The following ZMAT4 variants were observed in gnomAD, a reference collection of about 807,000 sequenced individuals.
ZMAT4 encodes the protein zinc finger matrin-type 4, also known as zinc finger matrin-type protein 4.
In ZMAT4, 17 loss-of-function variants were observed where a neutral mutation model predicts 28.7. The observed-to-expected ratio is 0.59, with a 90% CI of 0.41 to 0.89. The LOEUF (loss-of-function observed/expected upper bound fraction) is 0.89. Among genes scored for constraint, ZMAT4 ranks in the 40% least tolerant of loss-of-function variants. The probability of loss-of-function intolerance (pLI) is 0.00; values close to 1 mark genes in which losing one functional copy is unlikely to be tolerated. For missense variants in ZMAT4, 240 were observed against 283.8 expected (o/e 0.85, Z 1.11); for synonymous variants, 117 against 109.2 (o/e 1.07, Z -0.44).
At chr8:40,756,379 T>C (rs971592142) in intron 3 of ZMAT4, among the ~76,000 whole-genome samples, 5 of 140,424 alleles carry the variant, frequency 3.6e-5, no homozygotes, top group African/African-American at 1.3e-4. Context: ...AAATTATAAA[T>C]GCACACATGT....
intron 6 of ZMAT4, among the ~76,000 whole-genome samples, chr8:40,557,115 C>A (rs1465436008): frequency 6.6e-6 from 1 of 152,064 alleles, no homozygotes; most frequent in East Asian, 1.9e-4. Context: ...TGTCTGATCT[C>A]ACTTAACATA....
intron 5 of ZMAT4, 104 bp from the exon 6 acceptor site, chr8:40,581,365 C>T: frequency 1.2e-6 from 1 of 853,808 alleles, no homozygotes; most frequent in South Asian, 1.5e-5. Context: ...GGAGATAACT[C>T]CTGATCTACC....
intron 5 of ZMAT4, among the ~76,000 whole-genome samples, chr8:40,661,253 C>T (rs953989531): frequency 1.2e-4 from 18 of 152,138 alleles, no homozygotes; most frequent in African/African-American, 3.6e-4. Context: ...GACATGCACA[C>T]TATACCCGGC....
chr8:40,780,911 G>A (rs1406372299), intron 2 of ZMAT4, among the ~76,000 whole-genome samples: 1 of 152,160 alleles, frequency 6.6e-6, no homozygotes, highest in Non-Finnish European at 1.5e-5. Flanking sequence ...GGCCATCTGT[G>A]AAAAACCCTA....
intron 1 of ZMAT4, among the ~76,000 whole-genome samples, chr8:40,841,384 G>A (rs890583954): frequency 2.0e-5 from 3 of 152,104 alleles, no homozygotes; most frequent in Admixed American, 6.5e-5. Flanking sequence ...TCCAGAGGCC[G>A]CCCCCCTGCC....
In ZMAT4 at chr8:40,736,037, G is replaced by A. The variant is rs151164732; in HGVS notation, c.192+31604C>T. On this transcript the variant is annotated intron_variant, in intron 3 of 6. Transcript: ENST00000297737. ...GATAAGACAAGTAAATGTCTCAGTA[G>A]ATGCAGTAATGCCACAGTGCAGAGC... 5.4e-4 allele frequency among the ~76,000 whole-genome samples: 83 copies of A among 152,320 alleles called. No individual in the cohort carries two copies. The East Asian group carries it at 0.016, about 29-fold the overall frequency.
intron 6 of ZMAT4, among the ~76,000 whole-genome samples, chr8:40,533,569 A>G (rs981019894): frequency 2.0e-5 from 3 of 152,244 alleles, no homozygotes; most frequent in Non-Finnish European, 4.4e-5. Flanking sequence ...AGAAAATTCT[A>G]TCACTCACCT....
At chr8:40,706,041 T>A (rs1810335433) in intron 3 of ZMAT4, among the ~76,000 whole-genome samples, 1 of 152,110 alleles carries the variant, frequency 6.6e-6, no homozygotes, top group Admixed American at 6.6e-5. Context: ...TTTACTTATT[T>A]ATTTATTTAT....
intron 1 of ZMAT4, among the ~76,000 whole-genome samples, chr8:40,843,271 A>G (rs1401577518): frequency 6.6e-6 from 1 of 152,012 alleles, no homozygotes; most frequent in Admixed American, 6.6e-5. Flanking sequence ...ATTCTAACAC[A>G]TTTCATTTGG....
At chr8:40,897,268 G>A (rs1479759546) in intron 1 of ZMAT4, among the ~76,000 whole-genome samples, 2 of 152,134 alleles carry the variant, frequency 1.3e-5, no homozygotes, top group Non-Finnish European at 2.9e-5. Flanking sequence ...AAGGTAATAC[G>A]AAGGGGACAG....
At chr8:40,597,234 G>A (rs558362636) in intron 5 of ZMAT4, among the ~76,000 whole-genome samples, 72 of 152,214 alleles carry the variant, frequency 4.7e-4, no homozygotes, top group Non-Finnish European at 8.1e-4. Flanking sequence ...GAAAGGTCAA[G>A]ACAATGTGAG....
chr8:40,720,474 C>A (rs1259321024), intron 3 of ZMAT4, among the ~76,000 whole-genome samples: 1 of 151,908 alleles, frequency 6.6e-6, no homozygotes, highest in Non-Finnish European at 1.5e-5. Context: ...GGCATCAATG[C>A]CCAGCTAGAT....
At chr8:40,848,690 T>C (rs1200471822) in intron 1 of ZMAT4, among the ~76,000 whole-genome samples, 1 of 152,096 alleles carries the variant, frequency 6.6e-6, no homozygotes, top group Admixed American at 6.5e-5. Context: ...GAAAAAAATA[T>C]AAAAAGTACC....
chr8:40,687,353 T>G (rs565648794), intron 4 of ZMAT4, among the ~76,000 whole-genome samples: 1 of 152,262 alleles, frequency 6.6e-6, no homozygotes, highest in Admixed American at 6.5e-5. Context: ...TGTGAAGCCA[T>G]GCTGACTGTC....
At chr8:40,859,460 A>ACACACACACACATG (rs1440419745) in intron 1 of ZMAT4, among the ~76,000 whole-genome samples, 1 of 149,464 alleles carries the variant, frequency 6.7e-6, no homozygotes, top group Non-Finnish European at 1.5e-5. Flanking sequence ...AGCAACGCAC[A>ACACACACACACATG]CACACACACA....
chr8:40,560,920 G>T (rs1389117352), intron 6 of ZMAT4, among the ~76,000 whole-genome samples: 1 of 152,018 alleles, frequency 6.6e-6, no homozygotes, highest in Non-Finnish European at 1.5e-5. Flanking sequence ...AGGCCACCCT[G>T]GTCTTTATGT....
chr8:40,659,609 G>C (rs117845497), intron 5 of ZMAT4, among the ~76,000 whole-genome samples: 7 of 152,074 alleles, frequency 4.6e-5, no homozygotes, highest in African/African-American at 1.4e-4. Context: ...GATATTTCAC[G>C]TATTCTGGAG....
chr8:40,661,066 G>A (rs768822153), intron 5 of ZMAT4, among the ~76,000 whole-genome samples: 9 of 152,102 alleles, frequency 5.9e-5, no homozygotes, highest in Admixed American at 3.3e-4. Context: ...ACAGTAAACA[G>A]ATACATCAAT....
chr8:40,552,351 A>G (rs1010621781), intron 6 of ZMAT4, among the ~76,000 whole-genome samples: 1 of 152,162 alleles, frequency 6.6e-6, no homozygotes, highest in African/African-American at 2.4e-5. Flanking sequence ...AAACACACGC[A>G]GTCATAAAGC....
Sources: gnomAD v4.1 joint callset for allele counts (sites outside exome capture counted in the v4.1 genomes callset) on GRCh38, gnomAD v4.1.1 for gene constraint, MANE v1.5 for transcripts, NCBI Gene and HGNC (gene_info 2026-07-23, HGNC 2026-07-21) for gene names.